Variants in LINGO1 observed in about 807,000 individuals in gnomAD.
The protein encoded by LINGO1 is leucine rich repeat and Ig domain containing 1.
A neutral mutation model predicts 37.3 loss-of-function variants in LINGO1; 11 were observed. The ratio of observed to expected loss-of-function variants is 0.29; its 90% CI spans 0.19 to 0.49. The LOEUF (loss-of-function observed/expected upper bound fraction) is 0.49. Among genes scored for constraint, LINGO1 ranks in the 20% least tolerant of loss-of-function variants. LINGO1 has a pLI of 0.99. For missense variants in LINGO1, 585 were observed against 878.2 expected, an observed-to-expected ratio of 0.67 and a Z score of 4.22; for synonymous variants, 387 against 403.0, an observed-to-expected ratio of 0.96 and a Z score of 0.48.
intron 2 of LINGO1, among the ~76,000 whole-genome samples, chr15:77,721,205 G>A (rs942087422): frequency 2.0e-5 from 3 of 151,340 alleles, no homozygotes; most frequent in Admixed American, 6.6e-5. Context: ...CATGGCCCTC[G>A]TGAGACCCGG....
chr15:77,634,762 C>G (rs984813980), upstream of LINGO1, among the ~76,000 whole-genome samples: 1 of 151,594 alleles, frequency 6.6e-6, no homozygotes, highest in Non-Finnish European at 1.5e-5. Flanking sequence ...ACTCCCCAGC[C>G]CCCCCACCCC....
At chr15:77,686,588 T>C (rs1216813533) in intron 2 of LINGO1, among the ~76,000 whole-genome samples, 2 of 152,274 alleles carry the variant, frequency 1.3e-5, no homozygotes, top group East Asian at 1.9e-4. Context: ...GTCAACCCTC[T>C]CACAGGTAAG....
At chr15:77,709,376 G>A (rs534433932) in intron 2 of LINGO1, among the ~76,000 whole-genome samples, 2 of 152,256 alleles carry the variant, frequency 1.3e-5, no homozygotes, top group South Asian at 4.2e-4. Context: ...TGTATGCAGG[G>A]AGCCATACAG....
chr15:77,799,586 C>G (rs917365530), intron 1 of LINGO1, among the ~76,000 whole-genome samples: 3 of 152,180 alleles, frequency 2.0e-5, no homozygotes, highest in African/African-American at 7.2e-5. Flanking sequence ...CCTCCTCCCC[C>G]AGCCTCAGCA....
chr15:77,622,508 G>C (rs1432679658), intron 1 of LINGO1, among the ~76,000 whole-genome samples: 1 of 152,202 alleles, frequency 6.6e-6, no homozygotes, highest in African/African-American at 2.4e-5. Context: ...AGAAAGGTGA[G>C]GGGACTCACG....
Position 77,649,434 on chromosome 15 carries a change from A to C in LINGO1, c.-13+27655T>G, listed in dbSNP as rs543273460. Among the ~76,000 whole-genome samples, 3 of 152,358 alleles carry C rather than the reference A, an allele frequency of 2.0e-5. No homozygotes were observed. The South Asian group carries it at 6.2e-4, about 32-fold the overall frequency. ...AAATATAAGGTTGAGACAAATACCC[A>C]CATGAGTCTGTAATATGGGATCAAC... On this transcript the variant is annotated intron_variant, in intron 3 of 3. Transcript: ENST00000559893.
At chr15:77,791,460 G>A (rs1459186951), upstream of LINGO1, among the ~76,000 whole-genome samples, 3 of 152,136 alleles carry the variant, frequency 2.0e-5, no homozygotes, top group Admixed American at 6.5e-5. Flanking sequence ...CATGGAAGGT[G>A]AGGCTGAGCC....
chr15:77,810,289 C>G (rs1255190301), intron 1 of LINGO1, among the ~76,000 whole-genome samples: 2 of 46,374 alleles, frequency 4.3e-5, no homozygotes, highest in African/African-American at 8.6e-5. Context: ...TACACAAGCA[C>G]ACACACACGG....
At chr15:77,807,792 C>A (rs921552095) in intron 1 of LINGO1, among the ~76,000 whole-genome samples, 3 of 152,114 alleles carry the variant, frequency 2.0e-5, no homozygotes, top group African/African-American at 7.2e-5. Context: ...GGACTCTGGG[C>A]ACGAGCAGAA....
At chr15:77,739,672 T>C (rs2076240887) in intron 1 of LINGO1, among the ~76,000 whole-genome samples, 1 of 152,242 alleles carries the variant, frequency 6.6e-6, no homozygotes, top group Admixed American at 6.5e-5. Flanking sequence ...CCAGCCAGCC[T>C]GGGGGTGACA....
intron 2 of LINGO1, among the ~76,000 whole-genome samples, chr15:77,714,566 T>C (rs531358760): frequency 9.8e-5 from 15 of 152,290 alleles, no homozygotes; most frequent in Admixed American, 8.5e-4. Flanking sequence ...CGTTGCCCAG[T>C]CTTACCAGCT....
chr15:77,741,335 C>A (rs2076262131), intron 1 of LINGO1, among the ~76,000 whole-genome samples: 2 of 152,224 alleles, frequency 1.3e-5, no homozygotes, highest in South Asian at 4.1e-4. Flanking sequence ...ACCCACATTA[C>A]ACTGTCCTGA....
chr15:77,766,010 T>C (rs548204151), intron 1 of LINGO1, among the ~76,000 whole-genome samples: 1 of 152,194 alleles, frequency 6.6e-6, no homozygotes, highest in Non-Finnish European at 1.5e-5. Flanking sequence ...GGCTAGAGAA[T>C]GGAGCTGGCA....
At chr15:77,772,422 C>G (rs892557005) in intron 1 of LINGO1, among the ~76,000 whole-genome samples, 1 of 152,124 alleles carries the variant, frequency 6.6e-6, no homozygotes, top group Non-Finnish European at 1.5e-5. Context: ...CCAGCATCCC[C>G]GAGTGTACAG....
intron 1 of LINGO1, among the ~76,000 whole-genome samples, chr15:77,811,137 C>T (rs529222462): frequency 6.6e-6 from 1 of 152,016 alleles, no homozygotes; most frequent in South Asian, 2.1e-4. Context: ...AGCCTTCCCA[C>T]CACCTTCCCG....
At chr15:77,801,524 G>A (rs1219968689) in intron 1 of LINGO1, among the ~76,000 whole-genome samples, 5 of 151,976 alleles carry the variant, frequency 3.3e-5, no homozygotes, top group African/African-American at 1.2e-4. Flanking sequence ...TTCATGGCCT[G>A]TTTTCCACAA....
At chr15:77,784,746 T>G (rs2076754847) in intron 1 of LINGO1, 1 of 152,178 alleles carries the variant, frequency 6.6e-6, no homozygotes, top group Admixed American at 6.5e-5. Flanking sequence ...GAAGGTCCCC[T>G]GGGTTCTTAG....
chr15:77,750,067 C>A (rs1325089884), intron 1 of LINGO1, among the ~76,000 whole-genome samples: 1 of 152,088 alleles, frequency 6.6e-6, no homozygotes, highest in Non-Finnish European at 1.5e-5. Flanking sequence ...CTCCATGACT[C>A]CCCCTCACCC....
Position 77,626,036 on chromosome 15 carries a change from C to T in LINGO1, c.6+6274G>A, listed in dbSNP as rs181572661. On this transcript the variant is annotated intron_variant, in intron 1 of 1. Transcript: ENST00000355300. The stretch of plus-strand genomic sequence containing the variant: ...ACTGAGGCTCTGAGCCATTAGTTCA[C>T]CTGCCTGAGGTCCTGAGCTTGTCTG... Among the ~76,000 whole-genome samples, 897 of 152,318 alleles carry T rather than the reference C, an allele frequency of 5.9e-3. 9 individuals carry two copies. Among genetic ancestry groups the T allele is most frequent in the African/African-American group, 0.02 (821 of 41,570 alleles).
Sources: allele counts gnomAD v4.1 joint callset (sites outside exome capture counted in the v4.1 genomes callset), GRCh38; gene constraint gnomAD v4.1.1; transcripts MANE v1.5; gene names NCBI Gene and HGNC (gene_info 2026-07-23, HGNC 2026-07-21).